SYN2: variants seen among roughly 807,000 people sequenced by gnomAD.
SYN2 encodes synapsin-2.
SYN2 carries 19 observed loss-of-function variants against 50.9 expected under a neutral mutation model. The observed-to-expected ratio is 0.37, with a 90% CI of 0.26 to 0.55. The LOEUF (loss-of-function observed/expected upper bound fraction) is 0.55, where lower values mean the gene tolerates loss of function less well. Ranked by LOEUF, SYN2 falls within the 20% of genes least tolerant of loss-of-function variation. The pLI is 0.81. For synonymous variants in SYN2, 255 were observed against 224.9 expected (o/e 1.13, Z -1.20); for missense variants, 587 against 576.4 (o/e 1.02, Z -0.19).
chr3:12,115,305 G>T (rs986967413), intron 1 of SYN2, among the ~76,000 whole-genome samples: 4 of 152,096 alleles, frequency 2.6e-5, no homozygotes, highest in Non-Finnish European at 5.9e-5. Flanking sequence ...CAGAAAGCAA[G>T]GATATATTTC....
At chr3:12,078,682 T>C (rs1695523337) in intron 1 of SYN2, among the ~76,000 whole-genome samples, 1 of 152,214 alleles carries the variant, frequency 6.6e-6, no homozygotes, top group Admixed American at 6.5e-5. Context: ...TTTGTACCAT[T>C]ACCATGCTGT....
chr3:12,033,555 T>C (rs1340110552), intron 1 of SYN2, among the ~76,000 whole-genome samples: 2 of 152,198 alleles, frequency 1.3e-5, no homozygotes, highest in East Asian at 1.9e-4. Flanking sequence ...TTCACCCCTT[T>C]AAAATATACA....
chr3:12,040,617 A>G (rs895121288), intron 1 of SYN2, among the ~76,000 whole-genome samples: 3 of 151,920 alleles, frequency 2.0e-5, no homozygotes, highest in Non-Finnish European at 4.4e-5. Context: ...TATTTTTAGT[A>G]GAGACGGGGT....
chr3:12,136,066 A>G (rs1316869075), intron 1 of SYN2, among the ~76,000 whole-genome samples: 5 of 152,172 alleles, frequency 3.3e-5, no homozygotes, highest in South Asian at 2.1e-4. Context: ...TTATTAGACA[A>G]CCGACTTTGA....
intron 1 of SYN2, among the ~76,000 whole-genome samples, chr3:12,085,006 A>AAG (rs1466695164): frequency 6.6e-6 from 1 of 151,720 alleles, no homozygotes; most frequent in Admixed American, 6.6e-5. Flanking sequence ...AGGAAAAAAA[A>AAG]AATCAGCAAA....
intron 1 of SYN2, among the ~76,000 whole-genome samples, chr3:12,085,406 G>A (rs1279424534): frequency 6.6e-6 from 1 of 151,660 alleles, no homozygotes; most frequent in African/African-American, 2.4e-5. Flanking sequence ...CTCGATGTCA[G>A]AGCACCTAAA....
At chr3:12,094,672 T>C (rs1301673022) in intron 1 of SYN2, among the ~76,000 whole-genome samples, 1 of 152,186 alleles carries the variant, frequency 6.6e-6, no homozygotes, top group Non-Finnish European at 1.5e-5. Flanking sequence ...AGATAAGGTA[T>C]TTAAGGGGCC....
At position 12,111,766 on chromosome 3, in the gene SYN2, T is replaced by G. The variant is rs1161211125; in HGVS notation, c.378-28885T>G. On this transcript the variant is annotated intron_variant, in intron 1 of 12. Coordinates refer to ENST00000621198, the MANE Select transcript of SYN2 (RefSeq NM_133625.6). ...TTAAGAAAAACAGATCCAAACTCCT[T>G]GCTCATCAGTTCACTGCTTTGGGCC... Among the ~76,000 whole-genome samples, 3 of 152,212 alleles carry G rather than the reference T, an allele frequency of 2.0e-5. No homozygotes were observed. The East Asian group carries it at 5.8e-4, about 29-fold the overall frequency.
At chr3:12,074,556 A>T (rs907414595) in intron 1 of SYN2, among the ~76,000 whole-genome samples, 3 of 152,148 alleles carry the variant, frequency 2.0e-5, no homozygotes, top group Non-Finnish European at 4.4e-5. Flanking sequence ...TTCTTCTCCA[A>T]AACAACTCCG....
At chr3:12,015,667 C>T (rs541182994) in intron 1 of SYN2, among the ~76,000 whole-genome samples, 1 of 152,180 alleles carries the variant, frequency 6.6e-6, no homozygotes, top group Non-Finnish European at 1.5e-5. Flanking sequence ...CGTACCTGCT[C>T]GCACCTCTCC....
chr3:12,190,440 C>T, intron 12 of SYN2, 50 bp from the exon 13 acceptor site: 1 of 1,601,780 alleles, frequency 6.2e-7, no homozygotes, highest in Non-Finnish European at 8.5e-7. Context: ...CCTTCCCTGC[C>T]TTGCTGGGAA....
At chr3:12,071,521 G>C (rs1695355043) in intron 1 of SYN2, 2 of 371,004 alleles carry the variant, frequency 5.4e-6, no homozygotes, top group Non-Finnish European at 1.1e-5. Flanking sequence ...ATCAGCACTT[G>C]ATTGTAGAAC....
chr3:12,082,741 T>A (rs190756705), intron 1 of SYN2, among the ~76,000 whole-genome samples: 11 of 152,296 alleles, frequency 7.2e-5, no homozygotes, highest in South Asian at 2.1e-4. Flanking sequence ...TTTCTTTTTT[T>A]AAAAACTGTG....
chr3:12,164,139 C>CA (rs1232612708), intron 7 of SYN2, among the ~76,000 whole-genome samples: 6 of 151,864 alleles, frequency 4.0e-5, no homozygotes, highest in Non-Finnish European at 7.4e-5. Context: ...CTAAAAGAAG[C>CA]AAAAAAATAT....
chr3:12,054,202 A>G (rs1224529188), intron 1 of SYN2, among the ~76,000 whole-genome samples: 2 of 152,210 alleles, frequency 1.3e-5, no homozygotes, highest in Admixed American at 6.5e-5. Flanking sequence ...TCCATGAGAA[A>G]GAGGGAAAGG....
chr3:12,122,261 T>C (rs543099713), intron 1 of SYN2, among the ~76,000 whole-genome samples: 1 of 152,326 alleles, frequency 6.6e-6, no homozygotes, highest in African/African-American at 2.4e-5. Flanking sequence ...TTCTTTTTTT[T>C]CCCAGAAGTA....
intron 1 of SYN2, among the ~76,000 whole-genome samples, chr3:12,083,591 G>A: frequency 6.6e-6 from 1 of 152,150 alleles, no homozygotes; most frequent in South Asian, 2.1e-4. Flanking sequence ...AATACTGGAA[G>A]TGCTAATGTT....
chr3:12,151,196 G>C, intron 4 of SYN2, 41 bp from the exon 5 acceptor site: 1 of 1,421,790 alleles, frequency 7.0e-7, no homozygotes, highest in Middle Eastern at 1.7e-4. Flanking sequence ...TGTTTCAGAA[G>C]TTATCTAAGA....
intron 1 of SYN2, among the ~76,000 whole-genome samples, chr3:12,076,387 A>G (rs988364403): frequency 1.3e-5 from 2 of 152,054 alleles, no homozygotes; most frequent in African/African-American, 4.8e-5. Flanking sequence ...AGAAGTAATT[A>G]TATTTCTTTT....
Sources: allele counts gnomAD v4.1 joint callset (sites outside exome capture counted in the v4.1 genomes callset), GRCh38; gene constraint gnomAD v4.1.1; transcripts MANE v1.5; gene names NCBI Gene and HGNC (gene_info 2026-07-23, HGNC 2026-07-21).